ROBO2: variants seen among roughly 807,000 people sequenced by gnomAD.
ROBO2 encodes roundabout homolog 2.
ROBO2 carries 53 observed loss-of-function variants against 160.8 expected under a neutral mutation model. That is an observed-to-expected ratio of 0.33 (90% confidence interval 0.26 to 0.41). The LOEUF (loss-of-function observed/expected upper bound fraction) is 0.41, where lower values mean the gene tolerates loss of function less well. ROBO2 is among the 10% of genes least tolerant of loss of function. The probability of loss-of-function intolerance (pLI) is 1.00; values close to 1 mark genes in which losing one functional copy is unlikely to be tolerated. For synonymous variants in ROBO2, 664 were observed against 611.7 expected, an observed-to-expected ratio of 1.09 and a Z score of -1.26; for missense variants, 1,577 against 1,722.4, an observed-to-expected ratio of 0.92 and a Z score of 1.49.
At chr3:76,758,148 T>C (rs2061091685) in intron 2 of ROBO2, among the ~76,000 whole-genome samples, 1 of 151,858 alleles carries the variant, frequency 6.6e-6, no homozygotes, top group South Asian at 2.1e-4. Context: ...AATTATCTGT[T>C]GTGAAAGCAT....
chr3:76,465,998 GGTGTGTGT>G (rs57838247), intron 2 of ROBO2, among the ~76,000 whole-genome samples: 19 of 147,670 alleles, frequency 1.3e-4, no homozygotes, highest in Admixed American at 2.1e-4. Context: ...ATAAAATATG[GGTGTGTGT>G]GTGTGTGTGT....
At chr3:76,543,459 A>G (rs1214886994) in intron 2 of ROBO2, among the ~76,000 whole-genome samples, 2 of 152,138 alleles carry the variant, frequency 1.3e-5, no homozygotes, top group Non-Finnish European at 2.9e-5. Context: ...AACAAAAATC[A>G]GAAACCTTAG....
At chr3:76,149,752 T>A (rs1285113146) in intron 2 of ROBO2, among the ~76,000 whole-genome samples, 1 of 135,400 alleles carries the variant, frequency 7.4e-6, no homozygotes, top group African/African-American at 2.6e-5. Flanking sequence ...ACACATCATA[T>A]GTCTAAAGCA....
intron 2 of ROBO2, among the ~76,000 whole-genome samples, chr3:76,682,622 G>A (rs1057101478): frequency 4.6e-5 from 7 of 152,014 alleles, no homozygotes; most frequent in African/African-American, 1.2e-4. Context: ...TGGCCAGGCT[G>A]GTCTTGAACT....
chr3:76,046,812 A>G (rs888538441), intron 2 of ROBO2, among the ~76,000 whole-genome samples: 1 of 152,032 alleles, frequency 6.6e-6, no homozygotes, highest in South Asian at 2.1e-4. Flanking sequence ...TAACTAGAAT[A>G]TATCACGTAT....
chr3:77,528,097 A>C (rs973147614), intron 6 of ROBO2, among the ~76,000 whole-genome samples: 1 of 151,594 alleles, frequency 6.6e-6, no homozygotes, highest in Admixed American at 6.6e-5. Context: ...ATTATTTGTA[A>C]ACATTTGGAA....
At chr3:76,228,461 AC>A (rs1476818497) in intron 2 of ROBO2, among the ~76,000 whole-genome samples, 1 of 6,876 alleles carries the variant, frequency 1.5e-4, no homozygotes, top group Non-Finnish European at 1.4e-3. Flanking sequence ...ATAGCAAATT[AC>A]AGACAGACAG....
intron 2 of ROBO2, among the ~76,000 whole-genome samples, chr3:76,746,660 T>C (rs1048654336): frequency 3.9e-5 from 6 of 152,162 alleles, no homozygotes; most frequent in Non-Finnish European, 8.8e-5. Context: ...TTATTTTTAT[T>C]TTAAGTTCCA....
At chr3:77,334,210 T>TG (rs2066258384) in intron 2 of ROBO2, among the ~76,000 whole-genome samples, 1 of 152,122 alleles carries the variant, frequency 6.6e-6, no homozygotes. Context: ...AGAAACAGGG[T>TG]GGCCAGAGAT....
In ROBO2 at chr3:76,617,888, C is replaced by T. The variant is rs140034902; in HGVS notation, c.110-480126C>T. 1.1e-3 allele frequency among the ~76,000 whole-genome samples: 166 copies of T among 151,500 alleles called. 1 individual carries two copies. In the Middle Eastern group the frequency reaches 0.017, roughly 16 times the overall value. On this transcript the variant is annotated intron_variant, in intron 2 of 26. Transcript: ENST00000487694. ...GAGAGCTTAGCAAAGGAGGAAATGC[C>T]CCTTATAAAACCATCACCCCATGAT...
intron 2 of ROBO2, among the ~76,000 whole-genome samples, chr3:76,169,937 T>C (rs2072979882): frequency 2.6e-5 from 4 of 152,020 alleles, no homozygotes; most frequent in African/African-American, 9.7e-5. Context: ...CCCGCCACCA[T>C]GCGTGGCTAA....
intron 2 of ROBO2, among the ~76,000 whole-genome samples, chr3:76,186,486 T>G (rs2107145394): frequency 6.7e-6 from 1 of 148,930 alleles, no homozygotes; most frequent in African/African-American, 2.5e-5. Context: ...CCAAAATGTC[T>G]TCCTTTCATC....
At chr3:76,143,394 G>T (rs920137579) in intron 2 of ROBO2, among the ~76,000 whole-genome samples, 1 of 151,926 alleles carries the variant, frequency 6.6e-6, no homozygotes, top group African/African-American at 2.4e-5. Context: ...GTGACATTAG[G>T]AGCAATCAGC....
intron 2 of ROBO2, among the ~76,000 whole-genome samples, chr3:76,290,873 C>T (rs1040882228): frequency 3.3e-5 from 5 of 152,050 alleles, no homozygotes; most frequent in Non-Finnish European, 5.9e-5. Context: ...AAAGCCTACT[C>T]GATTGTGGCT....
intron 2 of ROBO2, among the ~76,000 whole-genome samples, chr3:77,180,486 A>G (rs2080668004): frequency 7.4e-6 from 1 of 135,936 alleles, no homozygotes; most frequent in Non-Finnish European, 1.5e-5. Flanking sequence ...CCCTGGCTAG[A>G]GTGCAGTGGG....
At chr3:76,248,191 C>T (rs973003493) in intron 2 of ROBO2, among the ~76,000 whole-genome samples, 9 of 152,006 alleles carry the variant, frequency 5.9e-5, no homozygotes, top group East Asian at 3.9e-4. Context: ...CACATGCGCA[C>T]GTATGTTTAT....
intron 2 of ROBO2, among the ~76,000 whole-genome samples, chr3:77,114,502 A>G (rs939714975): frequency 1.3e-5 from 2 of 152,158 alleles, no homozygotes; most frequent in African/African-American, 2.4e-5. Context: ...AAAATGAGGC[A>G]TTTCCTTAAT....
At chr3:77,069,010 C>T (rs1476010969) in intron 1 of ROBO2, among the ~76,000 whole-genome samples, 8 of 152,210 alleles carry the variant, frequency 5.3e-5, no homozygotes, top group Non-Finnish European at 8.8e-5. Flanking sequence ...AGCATGGCCA[C>T]GCTCAATTGT....
chr3:75,928,046 G>A (rs536777819), intron 1 of ROBO2, among the ~76,000 whole-genome samples: 3 of 136,734 alleles, frequency 2.2e-5, no homozygotes, highest in South Asian at 4.5e-4. Flanking sequence ...GTGCAGGGGC[G>A]CGATCTCAGC....
Sources: gnomAD v4.1 joint callset for allele counts (sites outside exome capture counted in the v4.1 genomes callset) on GRCh38, gnomAD v4.1.1 for gene constraint, MANE v1.5 for transcripts, NCBI Gene and HGNC (gene_info 2026-07-23, HGNC 2026-07-21) for gene names.